The following HERC2 variants were observed in gnomAD, a reference collection of about 807,000 sequenced individuals.
The protein encoded by HERC2 is E3 ubiquitin-protein ligase HERC2.
Under a neutral mutation model 537.7 loss-of-function variants are expected in HERC2, and 102 were observed. That is an observed-to-expected ratio of 0.19 (90% confidence interval 0.16 to 0.22). The LOEUF is 0.22. HERC2 is among the 10% of genes least tolerant of loss of function. HERC2 has a pLI of 1.00. For synonymous variants in HERC2, 2,224 were observed against 2,466.2 expected (o/e 0.90, Z 2.91); for missense variants, 4,236 against 6,198.2 (o/e 0.68, Z 10.63).
At chr15:28,281,675 G>T (rs1474068398) in intron 4 of HERC2, among the ~76,000 whole-genome samples, 1 of 152,228 alleles carries the variant, frequency 6.6e-6, no homozygotes. Context: ...GAGCTTTGCA[G>T]CTAAGAGCTA....
chr15:28,297,430 G>GA (rs1351864796), intron 3 of HERC2, among the ~76,000 whole-genome samples: 38 of 138,346 alleles, frequency 2.7e-4, no homozygotes, highest in South Asian at 4.6e-4. Flanking sequence ...TAATGTTAAA[G>GA]AAAAAAAAAA....
chr15:28,254,352 T>C lies in HERC2; in HGVS notation c.3038A>G (p.Gln1013Arg). The C allele has an allele frequency of 1.3e-6, 2 of 1,592,116 alleles. No individual in the cohort carries two copies. Among genetic ancestry groups the C allele is most frequent in the Non-Finnish European group, 1.7e-6 (2 of 1,170,582 alleles). ...TACTACGATTTACCTAAGAAGCTGTTGTATGAGCTGAACCAGAGGCAAACA... is the reference window on the plus strand; with the variant it reads ...TACTACGATTTACCTAAGAAGCTGTCGTATGAGCTGAACCAGAGGCAAACA... The part of the protein sequence containing the change: ...KQCLPLVQLI[Q>R]QLLRNIASQT... Residue 1013 changes from glutamine (Q) to arginine (R), a missense_variant, in exon 20 of 93, where the codon CAA becomes CGA. Coordinates refer to ENST00000261609, the MANE Select transcript of HERC2 (RefSeq NM_004667.6).
At chr15:28,235,209 T>G (rs1207476892) in intron 26 of HERC2, among the ~76,000 whole-genome samples, 1 of 152,120 alleles carries the variant, frequency 6.6e-6, no homozygotes, top group Non-Finnish European at 1.5e-5. Context: ...CATTCGTTCT[T>G]CTGAAACACT....
intron 23 of HERC2, among the ~76,000 whole-genome samples, chr15:28,244,110 G>C (rs1903420552): frequency 6.6e-6 from 1 of 152,074 alleles, no homozygotes. Flanking sequence ...GCTACAGTGA[G>C]CCATGATTGC....
chr15:28,120,475 T>G (rs1441347767), intron 86 of HERC2, among the ~76,000 whole-genome samples: 1 of 152,252 alleles, frequency 6.6e-6, no homozygotes, highest in East Asian at 1.9e-4. Flanking sequence ...GCATTAAATG[T>G]CAAGTTCTGC....
Position 28,228,063 on chromosome 15 carries a change from C to T in HERC2, c.5464+155G>A, listed in dbSNP as rs191775893. ...AGAAAATCGTAAATGTATTTGATAC[C>T]GCTGAATTGTGACGTTAAAATGGTA... On this transcript the variant is annotated intron_variant, in intron 35 of 92. Coordinates refer to ENST00000261609, the MANE Select transcript of HERC2 (RefSeq NM_004667.6). 6.8e-4 allele frequency among the ~76,000 whole-genome samples: 103 copies of T among 151,354 alleles called. No homozygotes were observed. The East Asian group carries it at 0.01, about 15-fold the overall frequency.
chr15:28,274,345 A>G lies in HERC2; in HGVS notation c.746T>C (p.Val249Ala). ...CGCTCTCTCCACCACCTCCAGCCAC[A>G]CAGAGGACACGGTGCTCTCGTCAAA... ...SLFDESTVSSVWLEVVERATR... is the reference protein window; with the variant it reads ...SLFDESTVSSAWLEVVERATR... Residue 249 changes from valine to alanine, a missense_variant, in exon 7 of 93, where the codon GTG becomes GCG. Coordinates refer to ENST00000261609, the MANE Select transcript of HERC2 (RefSeq NM_004667.6). 1 of 1,614,230 alleles carries G rather than the reference A, an allele frequency of 6.2e-7. No homozygotes were observed.
chr15:28,237,190 C>T, intron 25 of HERC2, 77 bp from the exon 26 acceptor site: 9 of 1,441,898 alleles, frequency 6.2e-6, no homozygotes, highest in Non-Finnish European at 8.8e-6. Context: ...ACAGCTCTCT[C>T]CTGCAGCTGT....
At chr15:28,157,567 A>G (rs1347122981) in intron 69 of HERC2, among the ~76,000 whole-genome samples, 1 of 152,168 alleles carries the variant, frequency 6.6e-6, no homozygotes, top group African/African-American at 2.4e-5. Flanking sequence ...GGTAGTTTGT[A>G]CTTCTATGGA....
intron 31 of HERC2, 94 bp downstream of exon 31, chr15:28,230,273 C>T (rs1354748875): frequency 7.8e-7 from 1 of 1,277,362 alleles, no homozygotes; most frequent in Non-Finnish European, 1.1e-6. Context: ...ACCGCCCGTC[C>T]CTCCCTCCAG....
chr15:28,233,946 C>T (rs1902153941), intron 27 of HERC2, 124 bp downstream of exon 27: 1 of 674,008 alleles, frequency 1.5e-6, no homozygotes, highest in African/African-American at 1.8e-5. Flanking sequence ...CACCTCAAAA[C>T]CCTCCAAATA....
At chr15:28,251,240 C>A (rs185931548) in intron 20 of HERC2, among the ~76,000 whole-genome samples, 26 of 151,950 alleles carry the variant, frequency 1.7e-4, no homozygotes, top group African/African-American at 6.3e-4. Context: ...GTTGGGAGTT[C>A]AAGACCACCC....
At chr15:28,305,909 C>T (rs1392525671) in intron 2 of HERC2, among the ~76,000 whole-genome samples, 1 of 152,078 alleles carries the variant, frequency 6.6e-6, no homozygotes. Context: ...ATTTATGCAG[C>T]CAAAAAATAC....
At chr15:28,259,377 G>C (rs1296324935) in intron 16 of HERC2, among the ~76,000 whole-genome samples, 2 of 152,254 alleles carry the variant, frequency 1.3e-5, no homozygotes, top group East Asian at 3.9e-4. Flanking sequence ...TTACAGGCGT[G>C]AGCCACTGTG....
rs1596472038 is a variant in HERC2, at chr15:28,315,856, T to C, written c.72+5506A>G. 1.4e-5 allele frequency: 8 copies of C among 560,784 alleles called. No homozygotes were observed. In the East Asian group the frequency reaches 2.3e-4, roughly 16 times the overall value. 34.7% of individuals were successfully genotyped at this position (560,784 alleles called of 1,614,324 possible). A position where few individuals can be genotyped will look rare whatever the true frequency, so the allele number is the denominator to read the frequency against. On this transcript the variant is annotated intron_variant, in intron 2 of 92. Coordinates refer to ENST00000261609, the MANE Select transcript of HERC2 (RefSeq NM_004667.6). Reference sequence around the variant, plus strand: ...GGGATGCTGGTACAAGTTGTGGGACTGCATGCCACTGTCTAGAGCTTGTCT... The same window carrying C: ...GGGATGCTGGTACAAGTTGTGGGACCGCATGCCACTGTCTAGAGCTTGTCT...
chr15:28,262,837 A>T, intron 15 of HERC2, 81 bp downstream of exon 15: 1 of 1,393,068 alleles, frequency 7.2e-7, no homozygotes, highest in Non-Finnish European at 9.9e-7. Flanking sequence ...ATGTCAGGTT[A>T]AGAACATAAA....
At chr15:28,264,883 C>T (rs1389461738) in intron 14 of HERC2, among the ~76,000 whole-genome samples, 2 of 152,108 alleles carry the variant, frequency 1.3e-5, no homozygotes, top group South Asian at 2.1e-4. Context: ...AGAAACAACA[C>T]GGCTCTGACA....
At chr15:28,292,849 A>G in intron 4 of HERC2, 39 bp downstream of exon 4, 1 of 1,588,200 alleles carries the variant, frequency 6.3e-7, no homozygotes, top group African/African-American at 1.4e-5. Context: ...AGGGAGCGTC[A>G]GATCAACCTT....
Position 28,280,284 on chromosome 15 carries a change from A to G in HERC2, c.326T>C (p.Val109Ala). The G allele has an allele frequency of 6.2e-7, 1 of 1,603,724 alleles. No individual in the cohort carries two copies. The highest frequency in any genetic ancestry group is 1.1e-5 in the South Asian group (1 of 89,008). ...DSWVWGKQPDVNELKECLSVL... is the reference protein window; with the variant it reads ...DSWVWGKQPDANELKECLSVL... ...AGAAAGACACTCCTTCAGTTCATTC[A>G]CATCTAGAAAATAAGACAAGAAAAC... The change falls in exon 5 of 93, where the codon GTG becomes GCG. Residue 109 changes from valine to alanine, a missense_variant. Around this residue, in one of 27 missense-constraint regions of HERC2, gnomAD observed 491 missense variants for 559.3 expected, o/e 0.88. Coordinates refer to ENST00000261609, the MANE Select transcript of HERC2 (RefSeq NM_004667.6).
Sources: gnomAD v4.1 joint callset for allele counts (sites outside exome capture counted in the v4.1 genomes callset) on GRCh38, gnomAD v4.1.1 for gene constraint, gnomAD v4.1.1 regional missense constraint, MANE v1.5 for transcripts, NCBI Gene and HGNC (gene_info 2026-07-23, HGNC 2026-07-21) for gene names.